Variants in OTOF observed in about 807,000 individuals in gnomAD.
OTOF encodes otoferlin, also known as fer-1-like family member 2.
In OTOF, 218 loss-of-function variants were observed where a neutral mutation model predicts 236.8. That is an observed-to-expected ratio of 0.92 (90% CI 0.82 to 1.03). The LOEUF (loss-of-function observed/expected upper bound fraction) is 1.03. OTOF is among the 50% of genes least tolerant of loss of function. The pLI is 0.00. For missense variants in OTOF, 2,590 were observed against 2,694.4 expected, an observed-to-expected ratio of 0.96 and a Z score of 0.86; for synonymous variants, 1,041 against 1,072.5, an observed-to-expected ratio of 0.97 and a Z score of 0.57.
Position 26,466,749 on chromosome 2 carries a change from G to A in OTOF, c.4465C>T (p.Pro1489Ser), listed in dbSNP as rs1304963921. The change falls in exon 36 of 47, where the codon CCC (proline) becomes TCC (serine). Residue 1489 changes from proline to serine, a missense_variant. By Grantham distance (74) the Pro-to-Ser change is moderately conservative. Around this residue, in one of 2 missense-constraint regions of OTOF, gnomAD observed 1,211 missense variants for 1,352.8 expected, o/e 0.90. Transcript: ENST00000272371. ...TAGACTCGGACCAGCACATTGATGGGGTCATTGCTCGGGATGCCCTGGAAC... is the reference window on the plus strand; with the variant it reads ...TAGACTCGGACCAGCACATTGATGGAGTCATTGCTCGGGATGCCCTGGAAC... ...GMFQGIPSND[P>S]INVLVRVYVV... The A allele has an allele frequency of 6.2e-7, 1 of 1,614,102 alleles. No individual in the cohort carries two copies. Among genetic ancestry groups the A allele is most frequent in the African/African-American group, 1.3e-5 (1 of 74,934 alleles).
At chr2:26,510,753 AG>A (rs1666365304) in intron 5 of OTOF, 1 of 1,288,774 alleles carries the variant, frequency 7.8e-7, no homozygotes, top group Admixed American at 2.3e-5. Context: ...GCCTTTGCTG[AG>A]TAGGGGGAAG....
At chr2:26,527,996 T>C in intron 2 of OTOF, 76 bp from the exon 3 acceptor site, 2 of 1,020,420 alleles carry the variant, frequency 2.0e-6, no homozygotes, top group South Asian at 1.3e-5. Context: ...GGGAATCTCT[T>C]GTGGGGATCT....
intron 5 of OTOF, among the ~76,000 whole-genome samples, chr2:26,510,128 A>ACAG (rs1353292218): frequency 1.3e-5 from 2 of 151,950 alleles, no homozygotes; most frequent in African/African-American, 2.4e-5. Flanking sequence ...TCCTCTCCAG[A>ACAG]CAGCACCCTG....
At position 26,502,368 on chromosome 2, in the gene OTOF, A is replaced by G. The variant is rs141378029; in HGVS notation, c.642T>C (p.Asp214=). 41 of 1,613,876 alleles carry G rather than the reference A, an allele frequency of 2.5e-5. No homozygotes were observed. In the African/African-American group the frequency reaches 3.9e-4, roughly 15 times the overall value. The change falls in exon 7 of 47, where the codon GAT becomes GAC. Residue 214 remains aspartate (D), a synonymous_variant. Coordinates refer to ENST00000272371, the MANE Select transcript of OTOF (RefSeq NM_194248.3). The part of the protein sequence containing the change: ...DLDHLAIRLG[D]GLDPDSVSLA... ...GAGACACCGAGTCGGGATCCAGTCC[A>G]TCTCCTAGCCGAATGGCCAGATGGT...
chr2:26,467,314 C>T (rs1664779479), intron 34 of OTOF, 51 bp downstream of exon 34: 2 of 1,613,754 alleles, frequency 1.2e-6, no homozygotes, highest in Non-Finnish European at 1.7e-6. Flanking sequence ...CACTGCGCCC[C>T]CCTCTTCCCG....
intron 30 of OTOF, chr2:26,472,274 C>T (rs1665023139): frequency 2.0e-5 from 11 of 559,700 alleles, no homozygotes; most frequent in South Asian, 1.9e-4. Flanking sequence ...CACACATGCA[C>T]ATATGCACAC....
At chr2:26,501,948 T>G in intron 7 of OTOF, 140 bp from the exon 8 acceptor site, 1 of 722,090 alleles carries the variant, frequency 1.4e-6, no homozygotes, top group East Asian at 2.6e-5. Flanking sequence ...CCAAGAATAG[T>G]GAGGATTAGT....
At position 26,494,995 on chromosome 2, in the gene OTOF, C is replaced by T. The variant is rs376620651; in HGVS notation, c.844G>A (p.Asp282Asn). ...TCCTTCATGGATGTGTACTTCTTGT[C>T]GTCACCCACCTCCACGCACACCACA... ...DPVVCVEVGD[D>N]KKYTSMKEST... Residue 282 changes from aspartate to asparagine, a missense_variant, in exon 9 of 47, where the codon GAC (aspartate) becomes AAC (asparagine). Coordinates refer to ENST00000272371, the MANE Select transcript of OTOF (RefSeq NM_194248.3). The T allele has an allele frequency of 1.1e-5, 17 of 1,614,014 alleles. No homozygotes were observed. The highest frequency in any genetic ancestry group is 2.7e-5 in the African/African-American group (2 of 74,898).
chr2:26,475,353 C>A lies in OTOF; in HGVS notation c.3126+6G>T. On this transcript the variant is annotated splice_donor_region_variant and intron_variant, in intron 25 of 46. Transcript: ENST00000272371. ...TGGGGTCCCTGGCACCAGAGCCCAC[C>A]CATACCATGGAATCCTGGTCATAGA... The A allele has an allele frequency of 6.2e-7, 1 of 1,612,784 alleles. No homozygotes were observed. Among genetic ancestry groups the A allele is most frequent in the Non-Finnish European group, 8.5e-7 (1 of 1,179,892 alleles).
At chr2:26,523,650 C>A (rs573661739) in intron 3 of OTOF, among the ~76,000 whole-genome samples, 12 of 152,320 alleles carry the variant, frequency 7.9e-5, no homozygotes, top group African/African-American at 2.9e-4. Context: ...GTATACCTAC[C>A]CTCTGCCTCC....
chr2:26,531,793 A>G (rs1462626777), intron 2 of OTOF, among the ~76,000 whole-genome samples: 1 of 152,100 alleles, frequency 6.6e-6, no homozygotes, highest in Non-Finnish European at 1.5e-5. Context: ...CTTGTGAGCT[A>G]TTAGATTGAA....
In OTOF at chr2:26,484,621, T is replaced by C. The variant is rs1226847357; in HGVS notation, c.1058A>G (p.His353Arg). 3 of 1,613,666 alleles carry C rather than the reference T, an allele frequency of 1.9e-6. No individual in the cohort carries two copies. In the Admixed American group the frequency reaches 5.0e-5, roughly 27 times the overall value. Residue 353 changes from histidine (H) to arginine (R), a missense_variant, in exon 12 of 47, where the codon CAT (histidine) becomes CGT (arginine). Coordinates refer to ENST00000272371, the MANE Select transcript of OTOF (RefSeq NM_194248.3). ...TVYSQPEHQF[H>R]HKWAILSDPD... ...GTCAGACAGGATGGCCCACTTGTGA[T>C]GGAACTGGTGCTCTGCAATGATGAG... is the stretch of plus-strand genomic sequence containing the variant.
chr2:26,491,988 G>A (rs1665860490), intron 9 of OTOF, among the ~76,000 whole-genome samples: 1 of 152,228 alleles, frequency 6.6e-6, no homozygotes, highest in South Asian at 2.1e-4. Flanking sequence ...TTTTAATGGA[G>A]CCAAAGGAAG....
At position 26,537,729 on chromosome 2, in the gene OTOF, G is replaced by T. The variant is rs763649380; in HGVS notation, c.125C>A (p.Ala42Asp). The stretch of plus-strand genomic sequence containing the variant: ...TGGGCCTCCTACCTCATCAAAGTCA[G>T]CCACATCCTCACAGTTCTCCAGGAC... ...SRVLENCEDV[A>D]DFDETFRWPV... The change falls in exon 2 of 47, where the codon GCT becomes GAT. Residue 42 changes from alanine (A) to aspartate (D), a missense_variant. This residue lies in a region of OTOF where 1,379 missense variants were observed against 1,341.6 expected (regional missense o/e 1.03). Transcript: ENST00000272371. 3.2e-6 allele frequency: 5 copies of T among 1,554,978 alleles called. No homozygotes were observed. The highest frequency in any genetic ancestry group is 4.4e-6 in the Non-Finnish European group (5 of 1,148,426).
At position 26,477,783 on chromosome 2, in the gene OTOF, C is replaced by T. The variant is rs755225671; in HGVS notation, c.2215-34G>A. The T allele has an allele frequency of 1.4e-5, 22 of 1,610,370 alleles. No individual in the cohort carries two copies. Among genetic ancestry groups the T allele is most frequent in the Non-Finnish European group, 1.8e-5 (21 of 1,178,924 alleles). ...CAGGAGTGTGGGTGATGCTGGGCCA[C>T]AGCCCCGCCTCCCCAGCCTCCCCAA... On this transcript the variant is annotated intron_variant, in intron 18 of 46. Coordinates refer to ENST00000272371, the MANE Select transcript of OTOF (RefSeq NM_194248.3). This position sits in a 1 kb window ranked among gnomAD's most constrained non-coding sequence, Gnocchi z 4.7.
At chr2:26,524,482 C>T (rs1378296359) in intron 3 of OTOF, among the ~76,000 whole-genome samples, 4 of 152,208 alleles carry the variant, frequency 2.6e-5, no homozygotes, top group African/African-American at 9.6e-5. Flanking sequence ...GCACTCCAGC[C>T]TGGGTGACAG....
chr2:26,515,113 C>A (rs1054594152), intron 5 of OTOF, among the ~76,000 whole-genome samples: 3 of 152,260 alleles, frequency 2.0e-5, no homozygotes, highest in African/African-American at 4.8e-5. Flanking sequence ...CCCTCCGGCT[C>A]TCCCAGCAGC....
intron 4 of OTOF, among the ~76,000 whole-genome samples, chr2:26,517,397 T>C (rs1205855837): frequency 6.6e-6 from 1 of 152,240 alleles, no homozygotes; most frequent in Non-Finnish European, 1.5e-5. Context: ...AAGGGAAAGG[T>C]GCACATATTT....
intron 4 of OTOF, among the ~76,000 whole-genome samples, chr2:26,518,566 C>T (rs569291689): frequency 5.6e-4 from 86 of 152,366 alleles, no homozygotes; most frequent in Non-Finnish European, 9.7e-4. Context: ...CTAGTGCACG[C>T]GTGCTCACGC....
Sources: gnomAD v4.1 joint callset for allele counts (sites outside exome capture counted in the v4.1 genomes callset) on GRCh38, gnomAD v4.1.1 for gene constraint, gnomAD v4.1.1 regional missense constraint, Gnocchi (gnomAD v3.1) non-coding constraint, MANE v1.5 for transcripts, NCBI Gene and HGNC (gene_info 2026-07-23, HGNC 2026-07-21) for gene names.